The following FAM110B variants were observed in gnomAD, a reference collection of about 807,000 sequenced individuals.
FAM110B encodes protein FAM110B.
FAM110B carries 6 observed loss-of-function variants against 20.4 expected under a neutral mutation model. The ratio of observed to expected loss-of-function variants is 0.29; its 90% CI spans 0.16 to 0.58. The LOEUF is 0.58. Among genes scored for constraint, FAM110B ranks in the 20% least tolerant of loss-of-function variants. FAM110B has a pLI of 0.90. For synonymous variants in FAM110B, 226 were observed against 214.1 expected, an observed-to-expected ratio of 1.06 and a Z score of -0.49; for missense variants, 434 against 498.2, an observed-to-expected ratio of 0.87 and a Z score of 1.23.
At chr8:57,998,603 G>T (rs1804231133) in intron 1 of FAM110B, among the ~76,000 whole-genome samples, 1 of 152,140 alleles carries the variant, frequency 6.6e-6, no homozygotes, top group African/African-American at 2.4e-5. Context: ...TTTGGGAATT[G>T]TTCAGAAGAA....
chr8:57,997,466 G>C (rs1232171667), intron 1 of FAM110B, among the ~76,000 whole-genome samples: 1 of 152,152 alleles, frequency 6.6e-6, no homozygotes, highest in Non-Finnish European at 1.5e-5. Context: ...GAGTCAGATT[G>C]ATCAGCTGAG....
chr8:58,050,600 C>T (rs1203987369), intron 2 of FAM110B, among the ~76,000 whole-genome samples: 1 of 152,132 alleles, frequency 6.6e-6, no homozygotes, highest in African/African-American at 2.4e-5. Flanking sequence ...TTGCTGTGGG[C>T]CTTCTCAGGA....
At chr8:58,024,298 G>A (rs1367369415) in intron 1 of FAM110B, among the ~76,000 whole-genome samples, 1 of 151,838 alleles carries the variant, frequency 6.6e-6, no homozygotes, top group South Asian at 2.1e-4. Flanking sequence ...CATGTGAGGA[G>A]CATTATAGAG....
chr8:58,129,816 T>C (rs1374813304), intron 3 of FAM110B, among the ~76,000 whole-genome samples: 1 of 152,216 alleles, frequency 6.6e-6, no homozygotes, highest in Non-Finnish European at 1.5e-5. Flanking sequence ...CTTACTTTTT[T>C]CATCCAGTCT....
At chr8:58,098,583 C>T (rs752125812) in intron 3 of FAM110B, among the ~76,000 whole-genome samples, 1 of 152,162 alleles carries the variant, frequency 6.6e-6, no homozygotes, top group African/African-American at 2.4e-5. Flanking sequence ...CCAGGCACCA[C>T]TGGGGTATGA....
intron 3 of FAM110B, among the ~76,000 whole-genome samples, chr8:58,105,850 A>G (rs34101827): frequency 0.31 from 47,577 of 151,924 alleles, 10,470 homozygotes; most frequent in African/African-American, 0.63. Context: ...GATTACAGGC[A>G]TGAGCCACTG....
chr8:58,001,923 T>C (rs1046690116), intron 1 of FAM110B, among the ~76,000 whole-genome samples: 8 of 152,168 alleles, frequency 5.3e-5, no homozygotes, highest in African/African-American at 1.7e-4. Context: ...AGAAGTCCCA[T>C]GATCTGCTGT....
intron 2 of FAM110B, among the ~76,000 whole-genome samples, chr8:58,046,403 A>G (rs1176253962): frequency 6.6e-6 from 1 of 152,208 alleles, no homozygotes; most frequent in Non-Finnish European, 1.5e-5. Context: ...TTCACAGATG[A>G]AAAAACTAAG....
chr8:58,065,493 G>A (rs1287744273), intron 2 of FAM110B, among the ~76,000 whole-genome samples: 2 of 152,016 alleles, frequency 1.3e-5, no homozygotes, highest in African/African-American at 4.8e-5. Context: ...AGAACAGAAG[G>A]GAAGCTAAAG....
At chr8:58,000,807 T>C (rs1297700143) in intron 1 of FAM110B, among the ~76,000 whole-genome samples, 2 of 152,232 alleles carry the variant, frequency 1.3e-5, no homozygotes, top group Non-Finnish European at 2.9e-5. Context: ...ATTGTACAGT[T>C]GACTGTGAGT....
At chr8:58,037,858 G>A (rs189860830) in intron 2 of FAM110B, among the ~76,000 whole-genome samples, 95 of 152,166 alleles carry the variant, frequency 6.2e-4, no homozygotes, top group African/African-American at 2.1e-3. Context: ...GTCTGGGGCC[G>A]TCATACCTGA....
intron 3 of FAM110B, among the ~76,000 whole-genome samples, chr8:58,090,282 CCCAAGTA>C (rs1806441408): frequency 6.6e-6 from 1 of 152,228 alleles, no homozygotes; most frequent in Non-Finnish European, 1.5e-5. Flanking sequence ...TCCCGAGCCT[CCCAAGTA>C]GCTGAGACTA....
At chr8:58,111,548 T>C (rs1010381717) in intron 3 of FAM110B, among the ~76,000 whole-genome samples, 1 of 152,172 alleles carries the variant, frequency 6.6e-6, no homozygotes, top group Non-Finnish European at 1.5e-5. Flanking sequence ...AGAAGGTGTT[T>C]ATGTGTATTA....
rs368818937 is a variant in FAM110B, at chr8:57,998,224, T to TTA, written c.-512+3419_-512+3420dup. ...AATACCTTGTTAAAGATCACTTGTTTTAGGAAGGTTGAGGAGAGAGATGGC... is the reference window on the plus strand; with the variant it reads ...AATACCTTGTTAAAGATCACTTGTTTTATAGGAAGGTTGAGGAGAGAGATGGC... On this transcript the variant is annotated intron_variant, in intron 1 of 3. Transcript: ENST00000519262. 3.6e-3 allele frequency among the ~76,000 whole-genome samples: 547 copies of TTA among 152,312 alleles called. 1 individual carries two copies. The highest frequency in any genetic ancestry group is 5.5e-3 in the Non-Finnish European group (376 of 68,034).
At chr8:58,005,135 C>G (rs763687857) in intron 1 of FAM110B, among the ~76,000 whole-genome samples, 27 of 152,162 alleles carry the variant, frequency 1.8e-4, no homozygotes, top group Non-Finnish European at 3.1e-4. Context: ...AGATGTGTGA[C>G]TCTTCCCTTC....
chr8:58,050,887 A>G (rs1363580091), intron 2 of FAM110B, among the ~76,000 whole-genome samples: 1 of 152,152 alleles, frequency 6.6e-6, no homozygotes, highest in Non-Finnish European at 1.5e-5. Flanking sequence ...GCCTCCATGG[A>G]AAGGTCAGTT....
At chr8:58,050,509 G>T (rs370607683) in intron 2 of FAM110B, among the ~76,000 whole-genome samples, 12 of 152,136 alleles carry the variant, frequency 7.9e-5, no homozygotes, top group African/African-American at 2.9e-4. Context: ...TCAGGTTGTC[G>T]GCAGGGCTGA....
chr8:58,066,848 G>A (rs1209868488), intron 2 of FAM110B, among the ~76,000 whole-genome samples: 2 of 152,124 alleles, frequency 1.3e-5, no homozygotes, highest in Non-Finnish European at 2.9e-5. Context: ...ACTCATGTGG[G>A]CTGGGGCCCA....
intron 3 of FAM110B, among the ~76,000 whole-genome samples, chr8:58,119,168 A>G (rs1228859821): frequency 1.3e-5 from 2 of 152,120 alleles, no homozygotes; most frequent in African/African-American, 2.4e-5. Flanking sequence ...TCCCCTCATA[A>G]CTTATTTTCT....
Sources: allele counts gnomAD v4.1 joint callset (sites outside exome capture counted in the v4.1 genomes callset), GRCh38; gene constraint gnomAD v4.1.1; transcripts MANE v1.5; gene names NCBI Gene and HGNC (gene_info 2026-07-23, HGNC 2026-07-21).